Variants in KPNA3 observed in about 807,000 individuals in gnomAD.
KPNA3 encodes the protein importin subunit alpha-4.
In KPNA3, 13 loss-of-function variants were observed where a neutral mutation model predicts 73.8. The ratio of observed to expected loss-of-function variants is 0.18; its 90% CI spans 0.11 to 0.28. The LOEUF (loss-of-function observed/expected upper bound fraction) is 0.28, where lower values mean the gene tolerates loss of function less well. Among genes scored for constraint, KPNA3 ranks in the 10% least tolerant of loss-of-function variants. The pLI is 1.00. For synonymous variants in KPNA3, 186 were observed against 206.9 expected (o/e 0.90, Z 0.87); for missense variants, 360 against 618.1 (o/e 0.58, Z 4.43).
At chr13:49,789,319 A>G (rs1257931568) in intron 1 of KPNA3, among the ~76,000 whole-genome samples, 1 of 152,012 alleles carries the variant, frequency 6.6e-6, no homozygotes, top group Non-Finnish European at 1.5e-5. Flanking sequence ...TTTGGTACAT[A>G]TTTCCTATAA....
chr13:49,756,768 G>GA (rs1954715290), intron 1 of KPNA3, among the ~76,000 whole-genome samples: 1 of 152,106 alleles, frequency 6.6e-6, no homozygotes, highest in Non-Finnish European at 1.5e-5. Context: ...TTCTGAAAAT[G>GA]AAAAACGAAG....
chr13:49,762,663 G>C (rs1954777091), intron 1 of KPNA3, among the ~76,000 whole-genome samples: 1 of 151,966 alleles, frequency 6.6e-6, no homozygotes, highest in Admixed American at 6.6e-5. Flanking sequence ...ATGCTTGAAG[G>C]CTGCATGCTC....
intron 1 of KPNA3, among the ~76,000 whole-genome samples, chr13:49,761,102 G>C (rs146253897): frequency 6.6e-6 from 1 of 152,332 alleles, no homozygotes; most frequent in African/African-American, 2.4e-5. Context: ...CATACTTTGG[G>C]AGGTCACCTG....
chr13:49,745,551 T>A (rs978178179), intron 2 of KPNA3, among the ~76,000 whole-genome samples: 4 of 151,188 alleles, frequency 2.6e-5, no homozygotes, highest in Admixed American at 6.6e-5. Context: ...GTAGACAGGG[T>A]TTCACCATGT....
intron 1 of KPNA3, among the ~76,000 whole-genome samples, chr13:49,755,688 G>A (rs1954704705): frequency 6.6e-6 from 1 of 152,198 alleles, no homozygotes. Flanking sequence ...CTACTCGGGA[G>A]GCTGAGGCAG....
intron 1 of KPNA3, among the ~76,000 whole-genome samples, chr13:49,779,002 G>A (rs1297367561): frequency 6.6e-6 from 1 of 152,080 alleles, no homozygotes; most frequent in Non-Finnish European, 1.5e-5. Flanking sequence ...CCAACTAGAT[G>A]AGTGGACAAC....
chr13:49,712,426 G>T (rs186645310), intron 10 of KPNA3, among the ~76,000 whole-genome samples: 2 of 150,626 alleles, frequency 1.3e-5, no homozygotes, highest in African/African-American at 4.9e-5. Context: ...AACCCGACAT[G>T]ATAGAAGGGG....
At chr13:49,719,042 ACTAGT>A (rs1566337016) in intron 10 of KPNA3, among the ~76,000 whole-genome samples, 1 of 152,132 alleles carries the variant, frequency 6.6e-6, no homozygotes, top group African/African-American at 2.4e-5. Context: ...CTGGATCAAC[ACTAGT>A]CACCGAAATT....
At chr13:49,787,412 CACTA>C (rs1443288024) in intron 1 of KPNA3, among the ~76,000 whole-genome samples, 23 of 152,214 alleles carry the variant, frequency 1.5e-4, no homozygotes, top group Middle Eastern at 3.2e-3. Flanking sequence ...TTTCCCCATT[CACTA>C]ACTTTCAGGC....
intron 10 of KPNA3, 66 bp from the exon 11 acceptor site, chr13:49,711,088 C>T (rs1381164518): frequency 6.9e-7 from 1 of 1,447,932 alleles, no homozygotes; most frequent in Admixed American, 2.4e-5. Flanking sequence ...GTTCAACACA[C>T]CTCAGGAGTA....
At chr13:49,703,306 A>T (rs569534103) in intron 15 of KPNA3, among the ~76,000 whole-genome samples, 2 of 145,648 alleles carry the variant, frequency 1.4e-5, no homozygotes, top group South Asian at 4.3e-4. Flanking sequence ...TCAGCCTCCC[A>T]AGTAGCTGGG....
At chr13:49,709,882 GAA>G (rs1954243755) in intron 11 of KPNA3, among the ~76,000 whole-genome samples, 182 bp from the exon 12 acceptor site, 1 of 141,628 alleles carries the variant, frequency 7.1e-6, no homozygotes, top group Admixed American at 7.3e-5. Flanking sequence ...GTGAAAAACT[GAA>G]ACTTTATGAA....
intron 14 of KPNA3, 54 bp downstream of exon 14, chr13:49,706,044 G>T: frequency 6.9e-7 from 1 of 1,458,178 alleles, no homozygotes; most frequent in Non-Finnish European, 9.5e-7. Context: ...ACATAAGAGA[G>T]CAGCATGCTT....
chr13:49,784,084 C>T (rs1023244967), intron 1 of KPNA3, among the ~76,000 whole-genome samples: 4 of 152,006 alleles, frequency 2.6e-5, no homozygotes, highest in African/African-American at 9.7e-5. Context: ...AAGACCCCAT[C>T]GCTACAAAAA....
intron 7 of KPNA3, among the ~76,000 whole-genome samples, chr13:49,725,189 T>C (rs149034356): frequency 2.7e-4 from 41 of 152,350 alleles, no homozygotes; most frequent in African/African-American, 9.4e-4. Context: ...TATCACAGCA[T>C]GATGTCTACT....
intron 1 of KPNA3, among the ~76,000 whole-genome samples, chr13:49,792,140 G>A (rs779327472): frequency 1.3e-5 from 2 of 152,072 alleles, no homozygotes; most frequent in Non-Finnish European, 2.9e-5. Flanking sequence ...GCCCTGGCCC[G>A]CGGACCCCGC....
intron 1 of KPNA3, among the ~76,000 whole-genome samples, chr13:49,785,755 G>GA (rs201824796): frequency 0.087 from 12,744 of 146,830 alleles, 1,362 homozygotes; most frequent in East Asian, 0.59. Context: ...GTGAATTCAT[G>GA]AAAAAAAAAA....
intron 1 of KPNA3, among the ~76,000 whole-genome samples, chr13:49,788,717 CTT>C (rs143440962): frequency 1.2e-4 from 14 of 112,678 alleles, no homozygotes; most frequent in Middle Eastern, 8.8e-3. Flanking sequence ...GCCAGACCCT[CTT>C]TTTTTTTTTT....
chr13:49,703,183 C>CT lies in KPNA3; in HGVS notation c.1373-704dup, dbSNP rs35282756. Reference sequence around the variant, plus strand: ...GCGCCTGGGCATTTTTTCTTTCTTTCTTTTTTTTTTTTTTTTTTGAGACGG... The same window carrying CT: ...GCGCCTGGGCATTTTTTCTTTCTTTCTTTTTTTTTTTTTTTTTTTGAGACGG... On this transcript the variant is annotated intron_variant, in intron 15 of 16. Coordinates refer to ENST00000261667, the MANE Select transcript of KPNA3 (RefSeq NM_002267.4). 8.1e-3 allele frequency among the ~76,000 whole-genome samples: 885 copies of CT among 109,178 alleles called. 26 individuals carry two copies. The highest frequency in any genetic ancestry group is 0.019 in the African/African-American group (542 of 28,304). The allele number at this position is 109,178 out of a possible 152,430, so 71.6% of individuals were successfully genotyped here.
Sources: gnomAD v4.1 joint callset for allele counts (sites outside exome capture counted in the v4.1 genomes callset) on GRCh38, gnomAD v4.1.1 for gene constraint, MANE v1.5 for transcripts, NCBI Gene and HGNC (gene_info 2026-07-23, HGNC 2026-07-21) for gene names.